RUNX1: variants seen among roughly 807,000 people sequenced by gnomAD.
RUNX1 encodes the protein RUNX family transcription factor 1, also known as runt-related transcription factor 1.
Under a neutral mutation model 42.8 loss-of-function variants are expected in RUNX1, and 19 were observed. The ratio of observed to expected loss-of-function variants is 0.44; its 90% CI spans 0.31 to 0.65. The LOEUF is 0.65. Among genes scored for constraint, RUNX1 ranks in the 30% least tolerant of loss-of-function variants. The pLI, the probability that RUNX1 is intolerant of heterozygous loss-of-function variation, is 0.07. For missense variants in RUNX1, 528 were observed against 672.0 expected (o/e 0.79, Z 2.37); for synonymous variants, 271 against 289.4 (o/e 0.94, Z 0.64).
chr21:35,047,167 T>G (rs2059401907), intron 2 of RUNX1, among the ~76,000 whole-genome samples: 10 of 152,084 alleles, frequency 6.6e-5, no homozygotes, highest in Admixed American at 6.5e-4. Context: ...GTTGATAAAA[T>G]AGGAAACAAT....
intron 2 of RUNX1, among the ~76,000 whole-genome samples, chr21:34,971,044 A>C (rs2058760350): frequency 1.3e-5 from 2 of 152,216 alleles, no homozygotes; most frequent in African/African-American, 4.8e-5. Flanking sequence ...TGTAGGTATT[A>C]TACATTTATT....
chr21:35,014,396 T>C (rs555106109), intron 2 of RUNX1, among the ~76,000 whole-genome samples: 2 of 152,226 alleles, frequency 1.3e-5, no homozygotes, highest in Non-Finnish European at 2.9e-5. Context: ...CACACTTGAT[T>C]AGGAATCTGG....
At position 34,974,934 on chromosome 21, in the gene RUNX1, A is replaced by G. The variant is rs182009338; in HGVS notation, c.58+73908T>C. 3.5e-3 allele frequency among the ~76,000 whole-genome samples: 538 copies of G among 152,368 alleles called. 2 individuals carry two copies. Among genetic ancestry groups the G allele is most frequent in the Non-Finnish European group, 5.5e-3 (376 of 68,028 alleles). ...ATATCTACTATGTGCTAGAAATTTT[A>G]ACTTATTAAGTTCTCACCGTATTTT... On this transcript the variant is annotated intron_variant, in intron 2 of 8. Coordinates refer to ENST00000675419, the MANE Select transcript of RUNX1 (RefSeq NM_001754.5).
chr21:34,850,338 T>C (rs1601450825), intron 6 of RUNX1, among the ~76,000 whole-genome samples: 2 of 152,158 alleles, frequency 1.3e-5, no homozygotes, highest in South Asian at 4.2e-4. Flanking sequence ...CATGGAAGGG[T>C]CTCCAGTGCT....
chr21:34,945,182 T>C (rs2058555401), intron 2 of RUNX1, among the ~76,000 whole-genome samples: 1 of 152,254 alleles, frequency 6.6e-6, no homozygotes, highest in Non-Finnish European at 1.5e-5. Flanking sequence ...ATATGAACTA[T>C]AGTATGCACA....
intron 2 of RUNX1, among the ~76,000 whole-genome samples, chr21:35,003,528 T>A (rs1007770364): frequency 6.3e-5 from 9 of 143,938 alleles, no homozygotes; most frequent in African/African-American, 1.9e-4. Context: ...TCTTTTTTTT[T>A]TTAAAAAAAA....
At position 34,907,657 on chromosome 21, in the gene RUNX1, T is replaced by C. The variant is rs2058233997; in HGVS notation, c.59-14694A>G. On this transcript the variant is annotated intron_variant, in intron 2 of 8. Transcript: ENST00000675419. The surrounding 1 kb of genome is among the most constrained non-coding windows in gnomAD (Gnocchi z 5.3). ...CCTCCGCTTCCACCTTTGCCAAGTC[T>C]AAAATCATGCCATGTAAAAGTTATC... 6.6e-6 allele frequency among the ~76,000 whole-genome samples: 1 copy of C among 152,178 alleles called. No individual in the cohort carries two copies. The highest frequency in any genetic ancestry group is 6.5e-5 in the Admixed American group (1 of 15,270).
chr21:34,855,867 T>C (rs1358540089), intron 6 of RUNX1, among the ~76,000 whole-genome samples: 1 of 152,250 alleles, frequency 6.6e-6, no homozygotes, highest in East Asian at 1.9e-4. Context: ...ACCTTGGTGC[T>C]GGTAAGAACC....
chr21:34,854,056 C>A (rs938043506), intron 6 of RUNX1, among the ~76,000 whole-genome samples: 1 of 152,142 alleles, frequency 6.6e-6, no homozygotes. Flanking sequence ...TCAAGTGAGC[C>A]GCCCGCATTG....
At chr21:34,914,342 ACT>A (rs1265406408) in intron 2 of RUNX1, among the ~76,000 whole-genome samples, 1 of 152,182 alleles carries the variant, frequency 6.6e-6, no homozygotes, top group Non-Finnish European at 1.5e-5. Flanking sequence ...TGGGTCATGC[ACT>A]GAGTCAGTGG....
chr21:34,934,908 A>T (rs1433028947), intron 2 of RUNX1, among the ~76,000 whole-genome samples: 1 of 152,064 alleles, frequency 6.6e-6, no homozygotes, highest in East Asian at 1.9e-4. Context: ...AACAGCAGGC[A>T]TATTCCTTCA....
At chr21:34,998,529 C>CT (rs2059014075) in intron 2 of RUNX1, among the ~76,000 whole-genome samples, 2 of 151,930 alleles carry the variant, frequency 1.3e-5, no homozygotes, top group South Asian at 4.2e-4. Context: ...TGGTCAGCTT[C>CT]TTTTTTCTTT....
chr21:35,022,895 G>GAAGAATAATAATAATAAT (rs139107613), intron 2 of RUNX1, among the ~76,000 whole-genome samples: 1 of 144,254 alleles, frequency 6.9e-6, no homozygotes, highest in Non-Finnish European at 1.5e-5. Context: ...TACTCTGTTT[G>GAAGAATAATAATAATAAT]AATAATAATA....
intron 2 of RUNX1, among the ~76,000 whole-genome samples, chr21:34,986,173 C>T (rs1261469838): frequency 2.6e-5 from 4 of 152,036 alleles, no homozygotes; most frequent in Admixed American, 6.6e-5. Context: ...CCAGCCCAGA[C>T]TGTTTTGGCT....
At chr21:35,012,288 C>G (rs530533109) in intron 2 of RUNX1, among the ~76,000 whole-genome samples, 2 of 152,146 alleles carry the variant, frequency 1.3e-5, no homozygotes, top group South Asian at 2.1e-4. Context: ...GTCCAAAAGC[C>G]CAAATACCCA....
At chr21:34,835,334 C>T (rs1052735978) in intron 6 of RUNX1, among the ~76,000 whole-genome samples, 1 of 152,218 alleles carries the variant, frequency 6.6e-6, no homozygotes, top group Non-Finnish European at 1.5e-5. Flanking sequence ...AATAGGCCCA[C>T]TGGAGCCCAG....
chr21:35,042,453 G>C (rs994520338), intron 2 of RUNX1, among the ~76,000 whole-genome samples: 1 of 152,228 alleles, frequency 6.6e-6, no homozygotes, highest in Non-Finnish European at 1.5e-5. Flanking sequence ...TCTGCTCCCA[G>C]CTACCTTCCT....
At chr21:35,001,164 CA>C (rs1433938898) in intron 2 of RUNX1, among the ~76,000 whole-genome samples, 1 of 151,982 alleles carries the variant, frequency 6.6e-6, no homozygotes, top group Non-Finnish European at 1.5e-5. Context: ...TTTTTACTTC[CA>C]TTTGCAATAG....
intron 2 of RUNX1, among the ~76,000 whole-genome samples, chr21:34,937,032 C>T (rs1319822899): frequency 6.6e-6 from 1 of 151,992 alleles, no homozygotes; most frequent in Non-Finnish European, 1.5e-5. Context: ...GTATGACTGA[C>T]CTAGGCGTGC....
Sources: allele counts gnomAD v4.1 joint callset (sites outside exome capture counted in the v4.1 genomes callset), GRCh38; gene constraint gnomAD v4.1.1; non-coding constraint Gnocchi (gnomAD v3.1); transcripts MANE v1.5; gene names NCBI Gene and HGNC (gene_info 2026-07-23, HGNC 2026-07-21).